The following ATP8A2 variants were observed in gnomAD, a reference collection of about 807,000 sequenced individuals.
The protein encoded by ATP8A2 is ATPase phospholipid transporting 8A2.
In ATP8A2, 100 loss-of-function variants were observed where a neutral mutation model predicts 165.6. That is an observed-to-expected ratio of 0.60 (90% CI 0.51 to 0.71). The LOEUF is 0.71. Among genes scored for constraint, ATP8A2 ranks in the 30% least tolerant of loss-of-function variants. ATP8A2 has a pLI of 0.00. For missense variants in ATP8A2, 1,227 were observed against 1,479.5 expected, an observed-to-expected ratio of 0.83 and a Z score of 2.80; for synonymous variants, 543 against 548.8, an observed-to-expected ratio of 0.99 and a Z score of 0.15.
At chr13:25,785,664 C>T (rs536774452) in intron 27 of ATP8A2, among the ~76,000 whole-genome samples, 5 of 152,274 alleles carry the variant, frequency 3.3e-5, no homozygotes, top group African/African-American at 1.2e-4. Context: ...AGCCACTGAT[C>T]GTGCCTTTCT....
intron 24 of ATP8A2, among the ~76,000 whole-genome samples, chr13:25,652,828 C>T (rs2041843604): frequency 6.6e-6 from 1 of 152,178 alleles, no homozygotes; most frequent in Non-Finnish European, 1.5e-5. Context: ...TGTCTCTTGT[C>T]CTTGCACTGA....
At chr13:25,963,890 A>G (rs1206150704) in intron 34 of ATP8A2, among the ~76,000 whole-genome samples, 1 of 152,238 alleles carries the variant, frequency 6.6e-6, no homozygotes, top group Non-Finnish European at 1.5e-5. Flanking sequence ...AATTAGCACC[A>G]TTTACATTTT....
intron 2 of ATP8A2, among the ~76,000 whole-genome samples, chr13:25,490,464 C>T (rs2036491780): frequency 6.6e-6 from 1 of 152,208 alleles, no homozygotes. Flanking sequence ...ATCTCCATGG[C>T]ACAGATGAGG....
intron 24 of ATP8A2, among the ~76,000 whole-genome samples, chr13:25,641,777 A>C (rs1276663846): frequency 6.6e-6 from 1 of 151,978 alleles, no homozygotes; most frequent in Non-Finnish European, 1.5e-5. Flanking sequence ...TGGAACCAAA[A>C]AAGAGCCTGC....
At chr13:25,925,327 G>A (rs927179565) in intron 33 of ATP8A2, among the ~76,000 whole-genome samples, 1 of 152,152 alleles carries the variant, frequency 6.6e-6, no homozygotes, top group African/African-American at 2.4e-5. Flanking sequence ...AAGGTCAGGA[G>A]ATCGAGACCA....
chr13:25,480,667 C>G (rs2036159235), intron 2 of ATP8A2, among the ~76,000 whole-genome samples: 1 of 150,780 alleles, frequency 6.6e-6, no homozygotes, highest in Non-Finnish European at 1.5e-5. Flanking sequence ...TCCTCACTTT[C>G]CAGACTGGGC....
intron 25 of ATP8A2, among the ~76,000 whole-genome samples, chr13:25,735,396 A>C (rs1366822998): frequency 6.6e-6 from 1 of 152,002 alleles, no homozygotes; most frequent in Non-Finnish European, 1.5e-5. Context: ...ATTAGCTGGG[A>C]CCACAGGAGA....
chr13:25,773,601 C>T (rs942414719), intron 26 of ATP8A2, among the ~76,000 whole-genome samples: 5 of 152,214 alleles, frequency 3.3e-5, no homozygotes, highest in African/African-American at 1.2e-4. Flanking sequence ...CCAGCAGCCC[C>T]TGACTGCATA....
intron 33 of ATP8A2, among the ~76,000 whole-genome samples, chr13:25,912,593 G>T (rs935610859): frequency 1.3e-5 from 2 of 152,122 alleles, no homozygotes; most frequent in African/African-American, 4.8e-5. Flanking sequence ...ATATTAATTT[G>T]CTTGATTTAA....
chr13:25,598,349 G>A (rs2040292670), intron 24 of ATP8A2, among the ~76,000 whole-genome samples: 2 of 151,926 alleles, frequency 1.3e-5, no homozygotes, highest in African/African-American at 2.4e-5. Flanking sequence ...TTGCATTTCT[G>A]TATACATTTT....
chr13:25,922,816 C>T, intron 33 of ATP8A2, among the ~76,000 whole-genome samples: 1 of 152,204 alleles, frequency 6.6e-6, no homozygotes, highest in Admixed American at 6.5e-5. Context: ...GCATCTCAGG[C>T]AACTGTGAGC....
At chr13:25,794,858 CACCTT>C (rs1277882686) in intron 27 of ATP8A2, among the ~76,000 whole-genome samples, 1 of 150,702 alleles carries the variant, frequency 6.6e-6, no homozygotes, top group African/African-American at 2.4e-5. Context: ...CACACACACA[CACCTT>C]CTCTCTCTCT....
intron 33 of ATP8A2, among the ~76,000 whole-genome samples, chr13:25,918,051 C>G (rs965918377): frequency 6.6e-6 from 1 of 152,158 alleles, no homozygotes; most frequent in African/African-American, 2.4e-5. Flanking sequence ...GAATAATTAT[C>G]TGTAGAGGGA....
chr13:25,515,990 A>C (rs2037456150), intron 2 of ATP8A2, among the ~76,000 whole-genome samples: 1 of 152,256 alleles, frequency 6.6e-6, no homozygotes, highest in Non-Finnish European at 1.5e-5. Context: ...AAGTTTGACA[A>C]TTATGTGAGA....
At chr13:25,901,927 A>G (rs1193928433) in intron 33 of ATP8A2, among the ~76,000 whole-genome samples, 3 of 152,254 alleles carry the variant, frequency 2.0e-5, no homozygotes, top group Non-Finnish European at 4.4e-5. Context: ...TACGAATATC[A>G]TATGTACAGC....
At chr13:25,839,929 T>C (rs1394748270) in intron 30 of ATP8A2, among the ~76,000 whole-genome samples, 2 of 152,194 alleles carry the variant, frequency 1.3e-5, no homozygotes, top group African/African-American at 4.8e-5. Flanking sequence ...TGTACTGTAA[T>C]GAAATGTTGA....
At chr13:25,589,609 A>T in intron 23 of ATP8A2, 26 bp from the exon 24 acceptor site, 1 of 1,575,224 alleles carries the variant, frequency 6.3e-7, no homozygotes, top group African/African-American at 1.4e-5. Context: ...AGAGAAATTC[A>T]CATGTTGTCT....
At chr13:25,528,937 A>G (rs1456088700) in intron 2 of ATP8A2, among the ~76,000 whole-genome samples, 2 of 151,902 alleles carry the variant, frequency 1.3e-5, no homozygotes, top group African/African-American at 4.8e-5. Context: ...TTAACTCATC[A>G]TTTATATTAG....
intron 27 of ATP8A2, among the ~76,000 whole-genome samples, chr13:25,794,820 T>TGC (rs1491583716): frequency 7.2e-6 from 1 of 139,552 alleles, no homozygotes; most frequent in Admixed American, 7.2e-5. Context: ...TTCCCTCTCC[T>TGC]ACACACACAC....
Sources: allele counts gnomAD v4.1 joint callset (sites outside exome capture counted in the v4.1 genomes callset), GRCh38; gene constraint gnomAD v4.1.1; transcripts MANE v1.5; gene names NCBI Gene and HGNC (gene_info 2026-07-23, HGNC 2026-07-21).